The following ZFPM2 variants were observed in gnomAD, a reference collection of about 807,000 sequenced individuals.
ZFPM2 encodes the protein zinc finger protein, FOG family member 2.
A neutral mutation model predicts 98.6 loss-of-function variants in ZFPM2; 20 were observed. That is an observed-to-expected ratio of 0.20 (90% confidence interval 0.14 to 0.29). The LOEUF is 0.29. Ranked by LOEUF, ZFPM2 falls within the 10% of genes least tolerant of loss-of-function variation. The pLI is 1.00. For missense variants in ZFPM2, 1,310 were observed against 1,388.6 expected (o/e 0.94, Z 0.90); for synonymous variants, 518 against 502.7 (o/e 1.03, Z -0.41).
chr8:105,738,973 C>G (rs972739034), intron 5 of ZFPM2, among the ~76,000 whole-genome samples: 2 of 152,054 alleles, frequency 1.3e-5, no homozygotes, highest in African/African-American at 4.8e-5. Flanking sequence ...TTAATTTAGG[C>G]ACAATCTATA....
intron 2 of ZFPM2, among the ~76,000 whole-genome samples, chr8:105,419,987 T>C (rs1215309440): frequency 6.6e-6 from 1 of 152,084 alleles, no homozygotes; most frequent in Non-Finnish European, 1.5e-5. Context: ...TTAAGGTTCC[T>C]CATGATTCTT....
chr8:105,578,006 A>G (rs1191958156), intron 4 of ZFPM2, among the ~76,000 whole-genome samples: 1 of 152,098 alleles, frequency 6.6e-6, no homozygotes, highest in East Asian at 1.9e-4. Flanking sequence ...GGATTCCAGT[A>G]TTTATCTCTA....
chr8:105,527,024 A>T (rs1450015334), intron 3 of ZFPM2, among the ~76,000 whole-genome samples: 1 of 152,118 alleles, frequency 6.6e-6, no homozygotes, highest in Non-Finnish European at 1.5e-5. Context: ...TAGGGTTGTT[A>T]TGAGGAAACG....
At chr8:105,616,783 C>A (rs1194080564) in intron 4 of ZFPM2, 2 of 254,940 alleles carry the variant, frequency 7.8e-6, no homozygotes, top group Non-Finnish European at 1.5e-5. Context: ...TTTGGGAGGC[C>A]CAGGCGGGTG....
chr8:105,376,266 G>GAA (rs1810723357), intron 1 of ZFPM2, among the ~76,000 whole-genome samples: 1 of 152,070 alleles, frequency 6.6e-6, no homozygotes, highest in East Asian at 1.9e-4. Flanking sequence ...CTTCCCATTT[G>GAA]AATGGCTACT....
Position 105,800,941 on chromosome 8 carries a change from T to C in ZFPM2, c.965-106T>C, listed in dbSNP as rs1247275960. On this transcript the variant is annotated intron_variant, in intron 7 of 7. Coordinates refer to ENST00000407775, the MANE Select transcript of ZFPM2 (RefSeq NM_012082.4). ...ATATCACGAATGAAATTTTGAAAGA[T>C]TTCATTCCTATTGTGTTGCAAACAT... The C allele has an allele frequency of 3.7e-6, 4 of 1,083,240 alleles. No individual in the cohort carries two copies. The Admixed American group carries it at 7.0e-5, about 19-fold the overall frequency. The allele number at this position is 1,083,240 out of a possible 1,614,324, so 67.1% of individuals were successfully genotyped here.
chr8:105,397,721 G>A (rs771567023), intron 1 of ZFPM2, among the ~76,000 whole-genome samples: 26 of 151,966 alleles, frequency 1.7e-4, no homozygotes, highest in Admixed American at 2.0e-4. Context: ...ATAGTTTGTT[G>A]TGCCATATAC....
rs1811762539 is a variant in ZFPM2 at position 105,724,653 on chromosome 8, T to G, written c.533-64065T>G. Among the ~76,000 whole-genome samples, 4 of 152,036 alleles carry G rather than the reference T, an allele frequency of 2.6e-5. No individual in the cohort carries two copies. The South Asian group carries it at 8.3e-4, about 32-fold the overall frequency. On this transcript the variant is annotated intron_variant, in intron 5 of 7. Transcript: ENST00000407775. ...AACAAAATTATTATAATTAACTGTATGCAGTTATGATTATTACTGCGTCTT... is the reference window on the plus strand; with the variant it reads ...AACAAAATTATTATAATTAACTGTAGGCAGTTATGATTATTACTGCGTCTT...
chr8:105,398,580 C>A (rs1291022207), intron 1 of ZFPM2, among the ~76,000 whole-genome samples: 1 of 152,066 alleles, frequency 6.6e-6, no homozygotes, highest in South Asian at 2.1e-4. Context: ...TGCCTCACAT[C>A]ATCAGGCATT....
At chr8:105,668,395 A>G (rs1014048286) in intron 5 of ZFPM2, among the ~76,000 whole-genome samples, 4 of 152,216 alleles carry the variant, frequency 2.6e-5, no homozygotes, top group Admixed American at 6.5e-5. Flanking sequence ...TGGAACAGAC[A>G]TGGAAAAGAT....
At chr8:105,386,645 C>T (rs150315502) in intron 1 of ZFPM2, among the ~76,000 whole-genome samples, 17,771 of 152,018 alleles carry the variant, frequency 0.12, 1,295 homozygotes, top group Non-Finnish European at 0.16. Flanking sequence ...TTGCACAGAG[C>T]GAAAGAACAA....
At chr8:105,697,284 T>G (rs1462243500) in intron 5 of ZFPM2, among the ~76,000 whole-genome samples, 1 of 152,234 alleles carries the variant, frequency 6.6e-6, no homozygotes, top group African/African-American at 2.4e-5. Flanking sequence ...GCTGAAAGAT[T>G]ACTTCCAATG....
intron 3 of ZFPM2, among the ~76,000 whole-genome samples, chr8:105,524,258 T>C (rs1449503542): frequency 1.3e-5 from 2 of 152,164 alleles, no homozygotes; most frequent in African/African-American, 2.4e-5. Context: ...TAATTGTTGG[T>C]TTTTATGACC....
At chr8:105,555,926 A>G (rs1254418805) in intron 3 of ZFPM2, among the ~76,000 whole-genome samples, 3 of 152,146 alleles carry the variant, frequency 2.0e-5, no homozygotes, top group Non-Finnish European at 2.9e-5. Context: ...GAAGGAGAAG[A>G]AGGCTTTTTT....
chr8:105,593,009 C>T (rs1422080198), intron 4 of ZFPM2, among the ~76,000 whole-genome samples: 4 of 152,108 alleles, frequency 2.6e-5, no homozygotes, highest in Non-Finnish European at 5.9e-5. Context: ...TTTCTGATAG[C>T]AGCTGCTAGC....
intron 3 of ZFPM2, among the ~76,000 whole-genome samples, chr8:105,522,930 C>G (rs538024992): frequency 6.6e-6 from 1 of 152,232 alleles, no homozygotes; most frequent in East Asian, 1.9e-4. Context: ...TACTGCCTTT[C>G]CTTGTAGCTC....
intron 1 of ZFPM2, among the ~76,000 whole-genome samples, chr8:105,381,401 A>G (rs1055682062): frequency 2.6e-5 from 4 of 152,076 alleles, no homozygotes; most frequent in African/African-American, 9.7e-5. Context: ...GATAGTTAAG[A>G]ATTTTTAAGA....
chr8:105,434,990 T>C (rs1452122067), intron 2 of ZFPM2, among the ~76,000 whole-genome samples: 1 of 152,244 alleles, frequency 6.6e-6, no homozygotes, highest in African/African-American at 2.4e-5. Context: ...TATTTTTGCC[T>C]GGCGAGTGGA....
intron 5 of ZFPM2, among the ~76,000 whole-genome samples, chr8:105,634,758 C>G (rs1816816466): frequency 6.6e-6 from 1 of 152,168 alleles, no homozygotes; most frequent in Non-Finnish European, 1.5e-5. Context: ...GTCCAAGAGG[C>G]TCTACATTCT....
Sources: gnomAD v4.1 joint callset for allele counts (sites outside exome capture counted in the v4.1 genomes callset) on GRCh38, gnomAD v4.1.1 for gene constraint, MANE v1.5 for transcripts, NCBI Gene and HGNC (gene_info 2026-07-23, HGNC 2026-07-21) for gene names.